Variants in PTPRM observed in about 807,000 individuals in gnomAD.
PTPRM encodes receptor-type tyrosine-protein phosphatase mu.
A neutral mutation model predicts 186.7 loss-of-function variants in PTPRM; 47 were observed. The ratio of observed to expected loss-of-function variants is 0.25; its 90% CI spans 0.20 to 0.32. PTPRM has a LOEUF of 0.32. PTPRM is among the 10% of genes least tolerant of loss of function. The pLI is 1.00. For missense variants in PTPRM, 1,494 were observed against 1,865.0 expected (o/e 0.80, Z 3.66); for synonymous variants, 668 against 674.9 (o/e 0.99, Z 0.16).
At chr18:8,144,729 G>A (rs541644063) in intron 14 of PTPRM, among the ~76,000 whole-genome samples, 1 of 152,294 alleles carries the variant, frequency 6.6e-6, no homozygotes, top group Non-Finnish European at 1.5e-5. Flanking sequence ...GTCTTGTTTT[G>A]TGGAAACAAG....
intron 2 of PTPRM, among the ~76,000 whole-genome samples, chr18:7,866,853 T>G (rs1270498854): frequency 6.6e-6 from 1 of 152,242 alleles, no homozygotes; most frequent in Non-Finnish European, 1.5e-5. Flanking sequence ...TGAACTTGCT[T>G]TATGAATCTG....
chr18:7,581,457 C>T (rs1431747960), intron 1 of PTPRM, among the ~76,000 whole-genome samples: 2 of 152,100 alleles, frequency 1.3e-5, no homozygotes, highest in South Asian at 2.1e-4. Context: ...TCTATGCAGT[C>T]GATGCTTGTT....
chr18:7,831,681 A>G (rs1381303305), intron 2 of PTPRM, among the ~76,000 whole-genome samples: 1 of 152,128 alleles, frequency 6.6e-6, no homozygotes, highest in Admixed American at 6.6e-5. Flanking sequence ...CTGTAGTCAC[A>G]CTATTGTGCT....
chr18:8,057,148 G>C (rs2088032413), intron 7 of PTPRM, among the ~76,000 whole-genome samples: 1 of 150,028 alleles, frequency 6.7e-6, no homozygotes, highest in African/African-American at 2.5e-5. Flanking sequence ...ACCATGTTTG[G>C]GAATGATAGA....
intron 14 of PTPRM, among the ~76,000 whole-genome samples, chr18:8,151,306 C>CT (rs1324940345): frequency 6.6e-6 from 1 of 152,046 alleles, no homozygotes; most frequent in Non-Finnish European, 1.5e-5. Flanking sequence ...GGGCTGCTGC[C>CT]TTTTTTTCAG....
intron 2 of PTPRM, among the ~76,000 whole-genome samples, chr18:7,799,873 A>G (rs1253994701): frequency 2.0e-5 from 3 of 152,156 alleles, no homozygotes; most frequent in Non-Finnish European, 4.4e-5. Flanking sequence ...TCCTGATCTT[A>G]AAAGGAAATA....
At chr18:8,271,905 T>C (rs1408195287) in intron 19 of PTPRM, among the ~76,000 whole-genome samples, 1 of 152,180 alleles carries the variant, frequency 6.6e-6, no homozygotes, top group Non-Finnish European at 1.5e-5. Flanking sequence ...GTTTTATTAA[T>C]CTTTTCAAAG....
intron 13 of PTPRM, among the ~76,000 whole-genome samples, chr18:8,125,209 CA>C (rs11315965): frequency 0.69 from 93,139 of 134,630 alleles, 32,016 homozygotes; most frequent in East Asian, 0.87. Context: ...GACTCTGTCT[CA>C]AAAAAAAAAA....
intron 1 of PTPRM, among the ~76,000 whole-genome samples, chr18:7,584,790 A>G (rs917344008): frequency 1.3e-5 from 2 of 152,236 alleles, no homozygotes; most frequent in African/African-American, 4.8e-5. Flanking sequence ...AATGAGGTAG[A>G]ATAATATCCC....
In PTPRM at chr18:7,682,615, A is replaced by G. The variant is rs923415641; in HGVS notation, c.74-91534A>G. 4.6e-5 allele frequency among the ~76,000 whole-genome samples: 7 copies of G among 152,230 alleles called. 1 individual carries two copies. The highest frequency in any genetic ancestry group is 4.6e-4 in the Admixed American group (7 of 15,280). ...GCTCTTTTTGTTAGAGATGACAAAT[A>G]AAAAGACCCATTGTGTTGTAACCAT... On this transcript the variant is annotated intron_variant, in intron 1 of 32. Transcript: ENST00000580170.
chr18:8,151,319 A>G (rs2093000847), intron 14 of PTPRM, among the ~76,000 whole-genome samples: 1 of 151,762 alleles, frequency 6.6e-6, no homozygotes, highest in Non-Finnish European at 1.5e-5. Context: ...TTTTTCAGAG[A>G]TGCCCTGCTC....
chr18:7,757,592 G>A (rs759861797), intron 1 of PTPRM, among the ~76,000 whole-genome samples: 2 of 152,072 alleles, frequency 1.3e-5, no homozygotes, highest in Non-Finnish European at 2.9e-5. Flanking sequence ...CTGTTCTTGG[G>A]AAGCCAAGTA....
In PTPRM at chr18:8,335,222, C is replaced by A. The variant is rs140368178; in HGVS notation, c.2957-8201C>A. ...GCAACAAGTGGCTCCTGCTGGAGGA[C>A]CTGCTATCCCCACCCTCCCTCCCCT... On this transcript the variant is annotated intron_variant, in intron 22 of 32. Coordinates refer to ENST00000580170, the MANE Select transcript of PTPRM (RefSeq NM_001105244.2). Among the ~76,000 whole-genome samples the A allele has an allele frequency of 8.3e-3, 1,266 of 152,084 alleles. 5 individuals are homozygous for A. Among genetic ancestry groups the A allele is most frequent in the African/African-American group, 0.014 (565 of 41,458 alleles).
rs1254009262 is a variant in PTPRM, at chr18:8,186,423, T to C, written c.2300+42644T>C. On this transcript the variant is annotated intron_variant, in intron 14 of 32. Transcript: ENST00000580170. The stretch of plus-strand genomic sequence containing the variant: ...CTGTGACTTTTTATTTAGCTTAATA[T>C]GTATGAGGGCTCTTTCCATGTTAAC... 3.3e-5 allele frequency among the ~76,000 whole-genome samples: 5 copies of C among 152,310 alleles called. No individual in the cohort carries two copies. In the East Asian group the frequency reaches 7.7e-4, roughly 23 times the overall value.
intron 22 of PTPRM, among the ~76,000 whole-genome samples, chr18:8,326,503 C>A (rs1306104669): frequency 6.6e-5 from 10 of 152,278 alleles, no homozygotes; most frequent in Non-Finnish European, 4.4e-5. Context: ...AAGAACAAAG[C>A]TGGAGGCATC....
chr18:7,960,395 C>T (rs2053577725), intron 7 of PTPRM, among the ~76,000 whole-genome samples: 1 of 150,470 alleles, frequency 6.6e-6, no homozygotes, highest in African/African-American at 2.5e-5. Context: ...GACAAGATTT[C>T]TGTCTTCAGA....
chr18:7,844,007 T>A (rs985176255), intron 2 of PTPRM, among the ~76,000 whole-genome samples: 3 of 152,146 alleles, frequency 2.0e-5, no homozygotes, highest in African/African-American at 7.2e-5. Flanking sequence ...ATGACTTGAT[T>A]CCAATGGCAA....
intron 22 of PTPRM, among the ~76,000 whole-genome samples, chr18:8,340,602 T>C (rs899200152): frequency 6.6e-6 from 1 of 152,202 alleles, no homozygotes; most frequent in Non-Finnish European, 1.5e-5. Context: ...TGACATGTTA[T>C]GAATGGAGTT....
At chr18:8,172,496 A>G (rs762371584) in intron 14 of PTPRM, among the ~76,000 whole-genome samples, 13 of 152,052 alleles carry the variant, frequency 8.5e-5, no homozygotes, top group African/African-American at 2.2e-4. Flanking sequence ...GGTACTTACA[A>G]CAGTGCATAC....
Sources: allele counts gnomAD v4.1 joint callset (sites outside exome capture counted in the v4.1 genomes callset), GRCh38; gene constraint gnomAD v4.1.1; transcripts MANE v1.5; gene names NCBI Gene and HGNC (gene_info 2026-07-23, HGNC 2026-07-21).